Variants in OPHN1 observed in about 807,000 individuals in gnomAD.
OPHN1 encodes oligophrenin 1.
OPHN1 carries 11 observed loss-of-function variants against 60.7 expected under a neutral mutation model. That is an observed-to-expected ratio of 0.18 (90% CI 0.11 to 0.30). The LOEUF (loss-of-function observed/expected upper bound fraction) is 0.30. Among genes scored for constraint, OPHN1 ranks in the 10% least tolerant of loss-of-function variants. The pLI is 1.00. For missense variants in OPHN1, 449 were observed against 611.0 expected, an observed-to-expected ratio of 0.73 and a Z score of 2.80; for synonymous variants, 226 against 222.6, an observed-to-expected ratio of 1.02 and a Z score of -0.14.
intron 2 of OPHN1, among the ~76,000 whole-genome samples, chrX:68,386,064 T>C (rs1214553032): frequency 1.8e-5 from 2 of 112,326 alleles, no homozygotes; most frequent in African/African-American, 6.5e-5. Flanking sequence ...CAATCTGCAT[T>C]ATTTATTCTG....
At chrX:68,395,511 G>A (rs777599903) in intron 2 of OPHN1, among the ~76,000 whole-genome samples, 7 of 104,830 alleles carry the variant, frequency 6.7e-5, no homozygotes, top group East Asian at 3.0e-4. Context: ...GCAATGGCAC[G>A]ATCTCGGCTC....
chrX:68,375,168 T>A (rs1443764967), intron 2 of OPHN1, among the ~76,000 whole-genome samples: 1 of 112,230 alleles, frequency 8.9e-6, no homozygotes, highest in Non-Finnish European at 1.9e-5. Context: ...CATATAATAA[T>A]GTTTACAGCA....
At chrX:68,121,195 G>T (rs2077149016) in intron 15 of OPHN1, among the ~76,000 whole-genome samples, 1 of 112,288 alleles carries the variant, frequency 8.9e-6, no homozygotes, top group Admixed American at 9.4e-5. Context: ...TTAACACAGT[G>T]AGGGGACAAC....
intron 2 of OPHN1, among the ~76,000 whole-genome samples, chrX:68,349,355 G>A (rs193066319): frequency 4.5e-5 from 5 of 111,961 alleles, no homozygotes; most frequent in Non-Finnish European, 9.4e-5. Context: ...AAACCACAAT[G>A]AGATACCATC....
At chrX:68,377,225 T>C (rs1215095913) in intron 2 of OPHN1, among the ~76,000 whole-genome samples, 1 of 106,794 alleles carries the variant, frequency 9.4e-6, no homozygotes, top group Non-Finnish European at 1.9e-5. Flanking sequence ...GCCTCCCGAG[T>C]AGCTGGGACT....
chrX:68,387,096 CTT>C (rs771259443), intron 2 of OPHN1, among the ~76,000 whole-genome samples: 2 of 111,678 alleles, frequency 1.8e-5, no homozygotes, highest in South Asian at 3.8e-4. Context: ...AAAAGCTACT[CTT>C]GTTTTATTCA....
intron 23 of OPHN1, 92 bp downstream of exon 23, chrX:68,052,448 A>C: frequency 1.2e-6 from 1 of 843,253 alleles, no homozygotes; most frequent in Non-Finnish European, 1.7e-6. Flanking sequence ...AGAAACAAAA[A>C]GAGAAAGATG....
intron 21 of OPHN1, among the ~76,000 whole-genome samples, chrX:68,056,505 T>C (rs1184789403): frequency 1.8e-5 from 2 of 111,910 alleles, no homozygotes; most frequent in Non-Finnish European, 3.8e-5. Flanking sequence ...TGCACACATA[T>C]GAATTGTCTC....
At chrX:68,264,461 C>A (rs1383325362) in intron 5 of OPHN1, among the ~76,000 whole-genome samples, 1 of 112,143 alleles carries the variant, frequency 8.9e-6, no homozygotes, top group Non-Finnish European at 1.9e-5. Flanking sequence ...TGAACAGACA[C>A]TTCTCAAGAG....
At chrX:68,179,171 T>C (rs1458128880) in intron 15 of OPHN1, among the ~76,000 whole-genome samples, 1 of 106,960 alleles carries the variant, frequency 9.3e-6, no homozygotes, top group Non-Finnish European at 1.9e-5. Flanking sequence ...TTGTTGTATA[T>C]AGGAAAGAAA....
At chrX:68,378,865 A>C (rs1370719730) in intron 2 of OPHN1, among the ~76,000 whole-genome samples, 1 of 111,592 alleles carries the variant, frequency 9.0e-6, no homozygotes, top group Non-Finnish European at 1.9e-5. Context: ...ATCAGGTAGC[A>C]TGATGCCTCC....
At chrX:68,426,571 C>T (rs12557608) in intron 2 of OPHN1, among the ~76,000 whole-genome samples, 152 of 18,323 alleles carry the variant, frequency 8.3e-3, no homozygotes, top group Middle Eastern at 0.045. Flanking sequence ...TATATATATA[C>T]ATACACAGAG....
intron 2 of OPHN1, among the ~76,000 whole-genome samples, chrX:68,406,006 G>A (rs958481071): frequency 1.8e-4 from 20 of 108,644 alleles, no homozygotes; most frequent in South Asian, 1.2e-3. Flanking sequence ...ATAGCCAGGC[G>A]TGGTGGCACA....
chrX:68,146,203 C>T (rs1343272960), intron 15 of OPHN1, among the ~76,000 whole-genome samples: 2 of 112,062 alleles, frequency 1.8e-5, no homozygotes, highest in Non-Finnish European at 3.8e-5. Context: ...ATAAAGTCCA[C>T]ATTCTAGTAA....
At chrX:68,063,181 C>A (rs916045296) in intron 21 of OPHN1, among the ~76,000 whole-genome samples, 1 of 109,451 alleles carries the variant, frequency 9.1e-6, no homozygotes, top group Non-Finnish European at 1.9e-5. Context: ...CAGCAGCCTC[C>A]ATTTCCAAAT....
chrX:68,335,132 A>T (rs2078315680), intron 2 of OPHN1, among the ~76,000 whole-genome samples: 2 of 104,367 alleles, frequency 1.9e-5, no homozygotes, highest in Non-Finnish European at 3.9e-5. Flanking sequence ...CACAACAACC[A>T]TGTGAGTTAA....
intron 7 of OPHN1, among the ~76,000 whole-genome samples, chrX:68,212,648 G>T (rs780228461): frequency 8.9e-6 from 1 of 111,936 alleles, no homozygotes; most frequent in Non-Finnish European, 1.9e-5. Flanking sequence ...CCAGTATAGC[G>T]CTAAACGCAG....
intron 2 of OPHN1, among the ~76,000 whole-genome samples, chrX:68,431,169 G>A (rs749421473): frequency 5.4e-4 from 60 of 111,934 alleles, no homozygotes; most frequent in African/African-American, 1.7e-3. Flanking sequence ...AGCACAACCT[G>A]CATATCCTTA....
intron 11 of OPHN1, among the ~76,000 whole-genome samples, chrX:68,199,736 T>G (rs1602230014): frequency 8.9e-6 from 1 of 112,301 alleles, no homozygotes; most frequent in East Asian, 2.8e-4. Flanking sequence ...AGCTTGTTTC[T>G]TCTGCTTATA....
Sources: gnomAD v4.1 joint callset for allele counts (sites outside exome capture counted in the v4.1 genomes callset) on GRCh38, gnomAD v4.1.1 for gene constraint, MANE v1.5 for transcripts, NCBI Gene and HGNC (gene_info 2026-07-23, HGNC 2026-07-21) for gene names.